The following FAAH2 variants were observed in gnomAD, a reference collection of about 807,000 sequenced individuals.
The protein encoded by FAAH2 is fatty-acid amide hydrolase 2.
FAAH2 carries 60 observed loss-of-function variants against 36.9 expected under a neutral mutation model. The observed-to-expected ratio is 1.63, with a 90% CI of 1.32 to 2.02. The LOEUF (loss-of-function observed/expected upper bound fraction) is 2.02. FAAH2 is among the 30% of genes most tolerant of loss of function. FAAH2 has a pLI of 0.00. For missense variants in FAAH2, 689 were observed against 397.5 expected, an observed-to-expected ratio of 1.73 and a Z score of -6.23; for synonymous variants, 214 against 143.8, an observed-to-expected ratio of 1.49 and a Z score of -3.49.
chrX:57,378,310 T>C (rs1419010377), intron 5 of FAAH2, among the ~76,000 whole-genome samples: 5 of 111,715 alleles, frequency 4.5e-5, no homozygotes, highest in Non-Finnish European at 9.4e-5. Flanking sequence ...TTTAAATCTG[T>C]ATTCTAACTA....
At chrX:57,407,933 T>C (rs959000965) in intron 7 of FAAH2, among the ~76,000 whole-genome samples, 41 of 112,248 alleles carry the variant, frequency 3.7e-4, no homozygotes, top group African/African-American at 1.3e-3. Flanking sequence ...GTATTCTTGT[T>C]ACTTTTGTCA....
At position 57,341,246 on chromosome X, in the gene FAAH2, T is replaced by C. The variant is rs777199360; in HGVS notation, c.623-25T>C. 5.1e-5 allele frequency: 60 copies of C among 1,184,352 alleles called. 2 individuals are homozygous for C. The South Asian group carries it at 9.8e-4, about 19-fold the overall frequency. ...CAAATAGTATATTAGATTATTTATT[T>C]GCAAGTATTTTGTGTTTCTTGTAGG... On this transcript the variant is annotated intron_variant, in intron 4 of 10. Coordinates refer to ENST00000374900, the MANE Select transcript of FAAH2 (RefSeq NM_174912.4).
chrX:57,219,482 G>A, the FAAH2 span, among the ~76,000 whole-genome samples: 2 of 111,710 alleles, frequency 1.8e-5, no homozygotes, highest in African/African-American at 3.3e-5. Context: ...TCGCCTACTG[G>A]TAAGTTTCCC....
At chrX:57,164,595 G>C in the FAAH2 span, among the ~76,000 whole-genome samples, 2 of 111,855 alleles carry the variant, frequency 1.8e-5, no homozygotes, top group Admixed American at 1.9e-4. Flanking sequence ...TTCATAAATG[G>C]ACCCCAAACA....
At chrX:57,455,468 G>A (rs1345056805) in intron 10 of FAAH2, among the ~76,000 whole-genome samples, 1 of 110,472 alleles carries the variant, frequency 9.1e-6, no homozygotes, top group Non-Finnish European at 1.9e-5. Context: ...TGAATGTAAA[G>A]GGTCTAAAAG....
intron 3 of FAAH2, among the ~76,000 whole-genome samples, chrX:57,321,481 T>C (rs1164841500): frequency 9.1e-6 from 1 of 109,781 alleles, no homozygotes; most frequent in Non-Finnish European, 1.9e-5. Context: ...ATAATAATTA[T>C]TATTATACTA....
chrX:57,424,519 C>G (rs1249042969), intron 7 of FAAH2, among the ~76,000 whole-genome samples: 1 of 111,741 alleles, frequency 8.9e-6, no homozygotes, highest in Non-Finnish European at 1.9e-5. Flanking sequence ...ATAAACTTCC[C>G]AAGACCTCTG....
the FAAH2 span, among the ~76,000 whole-genome samples, chrX:57,201,734 C>T: frequency 1.8e-5 from 2 of 111,129 alleles, no homozygotes; most frequent in Non-Finnish European, 3.8e-5. Flanking sequence ...AATCATTCTA[C>T]CCATATCTGT....
At chrX:57,157,355 C>CCACTCAAA in the FAAH2 span, among the ~76,000 whole-genome samples, 2 of 111,955 alleles carry the variant, frequency 1.8e-5, no homozygotes, top group Admixed American at 1.9e-4. Flanking sequence ...CCCTGAGCTA[C>CCACTCAAA]TTTAGTCAGG....
intron 7 of FAAH2, chrX:57,381,770 A>G (rs1165649431): frequency 9.0e-6 from 1 of 111,216 alleles, no homozygotes; most frequent in East Asian, 2.8e-4. Flanking sequence ...GATCAATGAG[A>G]CAGAAAATTA....
At chrX:57,258,315 T>A in the FAAH2 span, among the ~76,000 whole-genome samples, 1 of 111,595 alleles carries the variant, frequency 9.0e-6, no homozygotes, top group African/African-American at 3.3e-5. Context: ...AATATTTAAA[T>A]GTAAGACCTG....
chrX:57,357,933 C>G (rs1392766404), intron 5 of FAAH2, among the ~76,000 whole-genome samples: 1 of 111,252 alleles, frequency 9.0e-6, no homozygotes, highest in Non-Finnish European at 1.9e-5. Flanking sequence ...TTGGAACCAG[C>G]CCAAATGCCC....
chrX:57,331,533 C>T lies in FAAH2; in HGVS notation c.413-65C>T, dbSNP rs2053405436. On this transcript the variant is annotated intron_variant, in intron 3 of 10. Transcript: ENST00000374900. ...GCTACATCTAGTTGGCCATCTTGCCCCTCAGGAGAAAACAACTATTTTTAT... is the reference window on the plus strand; with the variant it reads ...GCTACATCTAGTTGGCCATCTTGCCTCTCAGGAGAAAACAACTATTTTTAT... The T allele has an allele frequency of 6.9e-6, 7 of 1,012,844 alleles. 1 individual carries two copies. The Admixed American group carries it at 1.8e-4, about 26-fold the overall frequency. 83.5% of individuals were successfully genotyped at this position (1,012,844 alleles called of 1,213,427 possible).
the FAAH2 span, among the ~76,000 whole-genome samples, chrX:57,183,450 C>T: frequency 9.0e-6 from 1 of 111,393 alleles, no homozygotes; most frequent in Non-Finnish European, 1.9e-5. Context: ...ACACAGAAAT[C>T]TATCAGCAAT....
chrX:57,386,925 A>G (rs750507321), intron 7 of FAAH2, among the ~76,000 whole-genome samples: 116 of 112,207 alleles, frequency 1.0e-3, no homozygotes, highest in African/African-American at 3.7e-3. Flanking sequence ...CACATGCTAA[A>G]AAAGAGACAG....
At chrX:57,452,832 T>A (rs1267916753) in intron 10 of FAAH2, among the ~76,000 whole-genome samples, 2 of 111,407 alleles carry the variant, frequency 1.8e-5, no homozygotes, top group Non-Finnish European at 3.8e-5. Flanking sequence ...TCAAGAAAAA[T>A]TAGTGATTCC....
At chrX:57,200,720 T>C in the FAAH2 span, among the ~76,000 whole-genome samples, 1 of 111,874 alleles carries the variant, frequency 8.9e-6, no homozygotes, top group African/African-American at 3.3e-5. Flanking sequence ...ATTCATATCT[T>C]ATTGTATTAT....
intron 7 of FAAH2, among the ~76,000 whole-genome samples, chrX:57,428,791 G>A (rs1488528837): frequency 9.0e-6 from 1 of 111,674 alleles, no homozygotes; most frequent in Non-Finnish European, 1.9e-5. Flanking sequence ...AATACAGGAA[G>A]AAAACAGGGA....
chrX:57,269,144 T>A, the FAAH2 span, among the ~76,000 whole-genome samples: 2 of 111,541 alleles, frequency 1.8e-5, no homozygotes, highest in East Asian at 5.6e-4. Context: ...CGTCAAATAA[T>A]GGTGAAAGAC....
Sources: allele counts gnomAD v4.1 joint callset (sites outside exome capture counted in the v4.1 genomes callset), GRCh38; gene constraint gnomAD v4.1.1; transcripts MANE v1.5; gene names NCBI Gene and HGNC (gene_info 2026-07-23, HGNC 2026-07-21).